Variants in STAT4 observed in about 807,000 individuals in gnomAD.
The protein encoded by STAT4 is signal transducer and activator of transcription 4.
A neutral mutation model predicts 110.5 loss-of-function variants in STAT4; 42 were observed. The ratio of observed to expected loss-of-function variants is 0.38; its 90% CI spans 0.30 to 0.49. The LOEUF is 0.49. STAT4 is among the 20% of genes least tolerant of loss of function. STAT4 has a pLI of 0.95. For synonymous variants in STAT4, 284 were observed against 302.2 expected (o/e 0.94, Z 0.63); for missense variants, 632 against 887.9 (o/e 0.71, Z 3.66).
chr2:191,095,681 C>T (rs898611138), intron 3 of STAT4, among the ~76,000 whole-genome samples: 2 of 152,080 alleles, frequency 1.3e-5, no homozygotes, highest in African/African-American at 4.8e-5. Context: ...AAAATCGATA[C>T]CCTAACATCA....
In STAT4 at chr2:191,041,065, CT is replaced by C; in HGVS notation, c.1334del (p.Glu445GlyfsTer8). The C allele has an allele frequency of 6.9e-7, 1 of 1,445,798 alleles. No homozygotes were observed. The highest frequency in any genetic ancestry group is 9.1e-7 in the Non-Finnish European group (1 of 1,093,116). 89.6% of individuals were successfully genotyped at this position (1,445,798 alleles called of 1,614,324 possible). On this transcript the variant is annotated frameshift_variant and splice_region_variant, in exon 15 of 24. Transcript: ENST00000392320. LOFTEE classifies it high-confidence loss of function. ...ICLYGLTIDL[E>X]TSSLPVVMIS... is the part of the protein sequence containing the mutation. ...TAGTGTATGTTCTTGAAACACCTACCTCCAAATCTATGGTCAGGCCATAGAG... is the reference window on the plus strand; with the variant it reads ...TAGTGTATGTTCTTGAAACACCTACCCCAAATCTATGGTCAGGCCATAGAG...
Position 191,110,223 on chromosome 2 carries a change from A to T in STAT4, c.274-33898T>A, listed in dbSNP as rs1377025592. Among the ~76,000 whole-genome samples, 1 of 152,142 alleles carries T rather than the reference A, an allele frequency of 6.6e-6. No homozygotes were observed. On this transcript the variant is annotated intron_variant, in intron 3 of 23. Coordinates refer to ENST00000392320, the MANE Select transcript of STAT4 (RefSeq NM_003151.4). The surrounding 1 kb of genome is among the most constrained non-coding windows in gnomAD (Gnocchi z 4.5). ...TTGTGTTGATGTCAGTGCTAAGAAGAAAAGGTCTTCTTCAGGCCTTTATTC... is the reference window on the plus strand; with the variant it reads ...TTGTGTTGATGTCAGTGCTAAGAAGTAAAGGTCTTCTTCAGGCCTTTATTC...
At position 191,086,382 on chromosome 2, in the gene STAT4, A is replaced by T. The variant is rs1031060688; in HGVS notation, c.274-10057T>A. On this transcript the variant is annotated intron_variant, in intron 3 of 23. Coordinates refer to ENST00000392320, the MANE Select transcript of STAT4 (RefSeq NM_003151.4). This position sits in a 1 kb window ranked among gnomAD's most constrained non-coding sequence, Gnocchi z 5.5. ...ATAGATAAATCCTTGGCTGGGCTTG[A>T]GGCTTTTAAAAGGTCTAATTTGAGA... 2.0e-5 allele frequency among the ~76,000 whole-genome samples: 3 copies of T among 152,174 alleles called. No individual in the cohort carries two copies. The highest frequency in any genetic ancestry group is 4.4e-5 in the Non-Finnish European group (3 of 68,028).
intron 3 of STAT4, among the ~76,000 whole-genome samples, chr2:191,080,647 AT>A (rs1482435181): frequency 6.6e-6 from 1 of 152,174 alleles, no homozygotes; most frequent in Admixed American, 6.6e-5. Context: ...TAGTCATACC[AT>A]CATGATAAAC....
Position 191,083,617 on chromosome 2 carries a change from C to T in STAT4, c.274-7292G>A, listed in dbSNP as rs1014815332. ...TCTCTGGGATATGAAGCATTTGTCT[C>T]CATTTACAGAGTAAAATATTTTCAT... On this transcript the variant is annotated intron_variant, in intron 3 of 23. Transcript: ENST00000392320. This position sits in a 1 kb window ranked among gnomAD's most constrained non-coding sequence, Gnocchi z 4.6. 3.9e-5 allele frequency among the ~76,000 whole-genome samples: 6 copies of T among 152,158 alleles called. No homozygotes were observed. The highest frequency in any genetic ancestry group is 1.4e-4 in the African/African-American group (6 of 41,442).
In STAT4 at chr2:191,091,966, T is replaced by C. The variant is rs1018178387; in HGVS notation, c.274-15641A>G. ...ATATAACTAGATTAGCAGAGCATAA[T>C]AGAGAGTTGTGGAATAAAATATTAA... is the stretch of plus-strand genomic sequence containing the variant. On this transcript the variant is annotated intron_variant, in intron 3 of 23. Coordinates refer to ENST00000392320, the MANE Select transcript of STAT4 (RefSeq NM_003151.4). The surrounding 1 kb of genome is among the most constrained non-coding windows in gnomAD (Gnocchi z 5.4). Among the ~76,000 whole-genome samples, 1 of 152,182 alleles carries C rather than the reference T, an allele frequency of 6.6e-6. No individual in the cohort carries two copies. Among genetic ancestry groups the C allele is most frequent in the East Asian group, 1.9e-4 (1 of 5,202 alleles).
Position 191,123,386 on chromosome 2 carries a change from T to G in STAT4, c.273+23227A>C, listed in dbSNP as rs537276537. Among the ~76,000 whole-genome samples the G allele has an allele frequency of 3.3e-5, 5 of 152,278 alleles. No homozygotes were observed. The South Asian group carries it at 1.0e-3, about 32-fold the overall frequency. On this transcript the variant is annotated intron_variant, in intron 3 of 23. Coordinates refer to ENST00000392320, the MANE Select transcript of STAT4 (RefSeq NM_003151.4). Reference sequence around the variant, plus strand: ...TTCTCCTCTCCAGAGTGGGTACATTTTCTCTCAGCTTCCAGAGGTTTAGTG... The same window carrying G: ...TTCTCCTCTCCAGAGTGGGTACATTGTCTCTCAGCTTCCAGAGGTTTAGTG...
chr2:191,033,227 T>C lies in STAT4; in HGVS notation c.1853-78A>G. 1.4e-6 allele frequency: 2 copies of C among 1,430,110 alleles called. No individual in the cohort carries two copies. Among genetic ancestry groups the C allele is most frequent in the Non-Finnish European group, 1.9e-6 (2 of 1,048,360 alleles). The allele number at this position is 1,430,110 out of a possible 1,614,324, so 88.6% of individuals were successfully genotyped here. A position where few individuals can be genotyped will look rare whatever the true frequency, so the allele number is the denominator to read the frequency against. ...GACCATTTCTTCCCTGCCCACATTA[T>C]CTTCATGCCACTGGAGTGACTTGTC... On this transcript the variant is annotated intron_variant, in intron 20 of 23. Transcript: ENST00000392320. This position sits in a 1 kb window ranked among gnomAD's most constrained non-coding sequence, Gnocchi z 6.9.
At chr2:191,098,816 A>G (rs1223109450) in intron 3 of STAT4, among the ~76,000 whole-genome samples, 1 of 152,172 alleles carries the variant, frequency 6.6e-6, no homozygotes, top group Non-Finnish European at 1.5e-5. Context: ...GATCGAGGAG[A>G]TCTTTTAAGC....
rs757030269 is a variant in STAT4, at chr2:191,031,554, G to A, written c.2045-38C>T. ...AAGGCACAATGTTGGGGAAAAAAAT[G>A]TCAATATTATCAATAAAACTGGGGA... On this transcript the variant is annotated intron_variant, in intron 21 of 23. Coordinates refer to ENST00000392320, the MANE Select transcript of STAT4 (RefSeq NM_003151.4). This position sits in a 1 kb window ranked among gnomAD's most constrained non-coding sequence, Gnocchi z 4.8. The A allele has an allele frequency of 6.4e-7, 1 of 1,558,198 alleles. No individual in the cohort carries two copies. The highest frequency in any genetic ancestry group is 8.8e-7 in the Non-Finnish European group (1 of 1,135,102).
At chr2:191,139,593 G>A (rs1699268604) in intron 3 of STAT4, among the ~76,000 whole-genome samples, 1 of 152,152 alleles carries the variant, frequency 6.6e-6, no homozygotes, top group African/African-American at 2.4e-5. Context: ...ACTGCTGAAA[G>A]AAAGCATATA....
rs369234549 is a variant in STAT4, at chr2:191,142,216, GAT to G, written c.273+4395_273+4396del. 0.034 allele frequency among the ~76,000 whole-genome samples: 5,101 copies of G among 151,318 alleles called. 297 individuals are homozygous for G. Among genetic ancestry groups the G allele is most frequent in the African/African-American group, 0.12 (4,811 of 41,204 alleles). On this transcript the variant is annotated intron_variant, in intron 3 of 23. Coordinates refer to ENST00000392320, the MANE Select transcript of STAT4 (RefSeq NM_003151.4). This position sits in a 1 kb window ranked among gnomAD's most constrained non-coding sequence, Gnocchi z 4.1. ...ATGGATAAAGAAAATAAAGAAAATA[GAT>G]ATATATATATACACACACACACACA...
intron 3 of STAT4, among the ~76,000 whole-genome samples, chr2:191,118,392 T>A (rs75779749): frequency 0.028 from 4,192 of 152,264 alleles, 136 homozygotes; most frequent in East Asian, 0.075. Flanking sequence ...GCCTATTTTT[T>A]AAAAGTTCAA....
At chr2:191,141,699 CG>C (rs1559085930) in intron 3 of STAT4, among the ~76,000 whole-genome samples, 1 of 151,364 alleles carries the variant, frequency 6.6e-6, no homozygotes. Context: ...GGCACTATCT[CG>C]GCTCACTGCA....
rs1437812400 is a variant in STAT4 at position 191,069,729 on chromosome 2, C to T, written c.508G>A (p.Glu170Lys). 1 of 1,609,572 alleles carries T rather than the reference C, an allele frequency of 6.2e-7. No individual in the cohort carries two copies. Among genetic ancestry groups the T allele is most frequent in the Non-Finnish European group, 8.5e-7 (1 of 1,178,408 alleles). The change falls in exon 6 of 24, where the codon GAA becomes AAA. Residue 170 changes from glutamate to lysine, a missense_variant. By Grantham distance (56) the Glu-to-Lys change is moderately conservative. This residue lies in a region of STAT4 where 488 missense variants were observed against 632.8 expected (regional missense o/e 0.77). Coordinates refer to ENST00000392320, the MANE Select transcript of STAT4 (RefSeq NM_003151.4). The part of the protein sequence containing the change: ...DTKYLEDLQD[E>K]FDYRYKTIQT... The stretch of plus-strand genomic sequence containing the variant: ...ATTGTTTTATACCTGTAGTCAAATT[C>T]GTCTTGCAGATCTTCTAAGTATTTG...
intron 3 of STAT4, among the ~76,000 whole-genome samples, chr2:191,119,748 G>T (rs1698668240): frequency 1.3e-5 from 2 of 152,126 alleles, no homozygotes; most frequent in South Asian, 4.1e-4. Context: ...AAGGTTTCTA[G>T]ACTTTTACTA....
At position 191,059,095 on chromosome 2, in the gene STAT4, G is replaced by C. The variant is rs1395260841; in HGVS notation, c.1035-326C>G. 2.0e-5 allele frequency among the ~76,000 whole-genome samples: 3 copies of C among 151,892 alleles called. No individual in the cohort carries two copies. Among genetic ancestry groups the C allele is most frequent in the Non-Finnish European group, 4.4e-5 (3 of 67,962 alleles). The stretch of plus-strand genomic sequence containing the variant: ...ATATTTTGGCTAAAGCTCAAATGTG[G>C]GTTAAATGTACAGATATAAAAAAAT... On this transcript the variant is annotated intron_variant, in intron 10 of 23. Transcript: ENST00000392320. The surrounding 1 kb of genome is among the most constrained non-coding windows in gnomAD (Gnocchi z 4.7).
At chr2:191,133,054 G>A (rs1019254054) in intron 3 of STAT4, among the ~76,000 whole-genome samples, 15 of 151,206 alleles carry the variant, frequency 9.9e-5, no homozygotes, top group African/African-American at 2.9e-4. Flanking sequence ...GCGCCTGGCG[G>A]TTTTCATAGT....
At position 191,043,796 on chromosome 2, in the gene STAT4, A is replaced by C. The variant is rs1194235263; in HGVS notation, c.1252-2648T>G. ...CACAGCAACATGAATCAACGTAGGA[A>C]TGAGTCTCAGAAAATATTTTGTTGA... On this transcript the variant is annotated intron_variant, in intron 14 of 23. Coordinates refer to ENST00000392320, the MANE Select transcript of STAT4 (RefSeq NM_003151.4). The surrounding 1 kb of genome is among the most constrained non-coding windows in gnomAD (Gnocchi z 4.8). Among the ~76,000 whole-genome samples, 2 of 152,230 alleles carry C rather than the reference A, an allele frequency of 1.3e-5. No homozygotes were observed. Among genetic ancestry groups the C allele is most frequent in the East Asian group, 3.8e-4 (2 of 5,198 alleles).
Sources: gnomAD v4.1 joint callset for allele counts (sites outside exome capture counted in the v4.1 genomes callset) on GRCh38, gnomAD v4.1.1 for gene constraint, gnomAD v4.1.1 regional missense constraint, Gnocchi (gnomAD v3.1) non-coding constraint, MANE v1.5 for transcripts, NCBI Gene and HGNC (gene_info 2026-07-23, HGNC 2026-07-21) for gene names.